The following TOP3A variants were observed in gnomAD, a reference collection of about 807,000 sequenced individuals.
The protein encoded by TOP3A is DNA topoisomerase 3-alpha.
In TOP3A, 64 loss-of-function variants were observed where a neutral mutation model predicts 111.3. The ratio of observed to expected loss-of-function variants is 0.57; its 90% confidence interval spans 0.47 to 0.71. The LOEUF (loss-of-function observed/expected upper bound fraction) is 0.71, where lower values mean the gene tolerates loss of function less well. TOP3A is among the 30% of genes least tolerant of loss of function. The pLI is 0.00. For missense variants in TOP3A, 1,104 were observed against 1,285.0 expected (o/e 0.86, Z 2.15); for synonymous variants, 484 against 485.1 (o/e 1.00, Z 0.03).
chr17:18,288,617 C>T (rs751742037), intron 13 of TOP3A, among the ~76,000 whole-genome samples: 11 of 152,160 alleles, frequency 7.2e-5, no homozygotes, highest in Non-Finnish European at 1.3e-4. Context: ...TCCAGGCTCA[C>T]CTTCTATGGC....
chr17:18,305,050 CAAG>C, intron 5 of TOP3A, 59 bp downstream of exon 5: 1 of 1,429,804 alleles, frequency 7.0e-7, no homozygotes, highest in Non-Finnish European at 9.9e-7. Flanking sequence ...CACATATAAA[CAAG>C]AACACTCTAT....
chr17:18,285,196 T>C lies in TOP3A; in HGVS notation c.1823A>G (p.Gln608Arg). The change falls in exon 15 of 19, where the codon CAG becomes CGG. Residue 608 changes from glutamine to arginine, a missense_variant. Transcript: ENST00000321105. ...GKKDKFVVLR[Q>R]QVQKYKQVFI... ...AACCTGCTTGTATTTCTGCACTTGC[T>C]GCCTTAGAACCACAAATTTGTCCTT... is the stretch of plus-strand genomic sequence containing the variant. 3 of 1,614,260 alleles carry C rather than the reference T, an allele frequency of 1.9e-6. No homozygotes were observed. Among genetic ancestry groups the C allele is most frequent in the Non-Finnish European group, 2.5e-6 (3 of 1,180,048 alleles).
chr17:18,291,364 T>C (rs948777150), intron 11 of TOP3A, among the ~76,000 whole-genome samples: 1 of 152,250 alleles, frequency 6.6e-6, no homozygotes, highest in Admixed American at 6.5e-5. Context: ...GACAGCAACA[T>C]TGCACCTGGT....
rs201017469 is a variant in TOP3A at position 18,278,097 on chromosome 17, G to A, written c.2405C>T (p.Pro802Leu). ...SKALAQTLPP[P>L]TAAGESNSVT... is the part of the protein sequence containing the mutation. ...AGAATTGCTTTCACCAGCAGCCGTG[G>A]GTGGTGGGAGGGTCTGGGCCAGAGC... The change falls in exon 18 of 19, where the codon CCC (proline) becomes CTC (leucine). Residue 802 changes from proline (P) to leucine (L), a missense_variant. Transcript: ENST00000321105. The A allele has an allele frequency of 1.9e-5, 31 of 1,614,238 alleles. No individual in the cohort carries two copies. The East Asian group carries it at 6.9e-4, about 36-fold the overall frequency.
chr17:18,288,146 T>TATATATATATATATATAA (rs1458189463), intron 13 of TOP3A, among the ~76,000 whole-genome samples: 1 of 119,636 alleles, frequency 8.4e-6, no homozygotes, highest in Non-Finnish European at 1.8e-5. Context: ...TATATATATA[T>TATATATATATATATATAA]ATAAATTTTT....
At chr17:18,285,574 G>A (rs958042041) in intron 13 of TOP3A, 54 bp from the exon 14 acceptor site, 6 of 1,508,834 alleles carry the variant, frequency 4.0e-6, no homozygotes, top group African/African-American at 2.7e-5. Flanking sequence ...GCTCCACCCG[G>A]GTGGCGCATG....
chr17:18,285,004 C>G (rs935952057), intron 15 of TOP3A, 138 bp downstream of exon 15: 4 of 991,114 alleles, frequency 4.0e-6, no homozygotes, highest in African/African-American at 1.6e-5. Context: ...TAAACTCTGA[C>G]TGGCCCAGAT....
chr17:18,305,475 A>AACACAC (rs1555572046), intron 4 of TOP3A, among the ~76,000 whole-genome samples: 18 of 146,672 alleles, frequency 1.2e-4, no homozygotes, highest in African/African-American at 4.1e-4. Context: ...ATTCAGCTCT[A>AACACAC]ACACACACAC....
At position 18,272,828 on chromosome 17, in the gene TOP3A, G is replaced by GT. The variant is rs1292667934; in HGVS notation, c.*1973dup. On this transcript the variant is annotated 3_prime_UTR_variant, in exon 19 of 19. Coordinates refer to ENST00000321105, the MANE Select transcript of TOP3A (RefSeq NM_004618.5). ...CTGACACCACGCCCGGCTAATTTTT[G>GT]TATTTTTTTAGAGACGGGGTTTCAT... 1.2e-4 allele frequency: 18 copies of GT among 151,874 alleles called. No homozygotes were observed. Among genetic ancestry groups the GT allele is most frequent in the Non-Finnish European group, 2.4e-4 (16 of 68,028 alleles). 9.4% of individuals were successfully genotyped at this position (151,874 alleles called of 1,614,324 possible). A position where few individuals can be genotyped will look rare whatever the true frequency, so the allele number is the denominator to read the frequency against.
intron 16 of TOP3A, among the ~76,000 whole-genome samples, chr17:18,281,718 C>A (rs544353430): frequency 6.6e-6 from 1 of 152,282 alleles, no homozygotes; most frequent in Non-Finnish European, 1.5e-5. Flanking sequence ...GTGGCCTTCT[C>A]TTCACTTGGG....
At chr17:18,296,971 G>A (rs1226372422) in intron 9 of TOP3A, among the ~76,000 whole-genome samples, 1 of 152,144 alleles carries the variant, frequency 6.6e-6, no homozygotes, top group East Asian at 1.9e-4. Flanking sequence ...AAATGCTTGG[G>A]TGGAAAAGCT....
At chr17:18,283,567 T>C (rs959845535) in intron 15 of TOP3A, among the ~76,000 whole-genome samples, 1 of 152,106 alleles carries the variant, frequency 6.6e-6, no homozygotes, top group Admixed American at 6.5e-5. Flanking sequence ...GTTTTCCCCA[T>C]ACACCAAGCA....
At chr17:18,311,001 A>ATT (rs772922996) in intron 1 of TOP3A, among the ~76,000 whole-genome samples, 30,533 of 141,990 alleles carry the variant, frequency 0.22, 3,437 homozygotes, top group East Asian at 0.25. Flanking sequence ...ACAACTATGA[A>ATT]TTTTTTTTTT....
At chr17:18,295,696 T>C (rs955408424) in intron 9 of TOP3A, among the ~76,000 whole-genome samples, 5 of 151,772 alleles carry the variant, frequency 3.3e-5, no homozygotes, top group African/African-American at 4.8e-5. Flanking sequence ...TGACCTCAGG[T>C]GATCTGCCTG....
At chr17:18,306,831 A>T in intron 4 of TOP3A, 60 bp downstream of exon 4, 1 of 1,136,116 alleles carries the variant, frequency 8.8e-7, no homozygotes. Flanking sequence ...AAAACAAAGA[A>T]ATCACTCTGT....
chr17:18,289,242 T>A (rs946187015), intron 13 of TOP3A, among the ~76,000 whole-genome samples: 1 of 152,240 alleles, frequency 6.6e-6, no homozygotes, highest in African/African-American at 2.4e-5. Flanking sequence ...CTCGAACTCC[T>A]GACCTTAGGT....
chr17:18,314,562 C>G, intron 1 of TOP3A, 37 bp downstream of exon 1: 3 of 1,582,324 alleles, frequency 1.9e-6, no homozygotes, highest in Non-Finnish European at 2.6e-6. Context: ...GTGGGCCTCC[C>G]TTAAGGCACG....
intron 5 of TOP3A, among the ~76,000 whole-genome samples, chr17:18,303,720 A>G (rs1981380523): frequency 1.3e-5 from 2 of 152,054 alleles, no homozygotes; most frequent in Admixed American, 1.3e-4. Flanking sequence ...CCAACACCCT[A>G]TAGTCACACT....
In TOP3A at chr17:18,272,279, A is replaced by C. The variant is rs1001835625; in HGVS notation, c.*2523T>G. 2.0e-5 allele frequency among the ~76,000 whole-genome samples: 3 copies of C among 152,208 alleles called. No individual in the cohort carries two copies. The highest frequency in any genetic ancestry group is 4.4e-5 in the Non-Finnish European group (3 of 68,050). ...GGCTATAATACAAGAAAAGGAAAGG[A>C]ACAAGTGTTCACAAGGATATGGAGA... On this transcript the variant is annotated 3_prime_UTR_variant, in exon 19 of 19. Coordinates refer to ENST00000321105, the MANE Select transcript of TOP3A (RefSeq NM_004618.5).
Sources: allele counts gnomAD v4.1 joint callset (sites outside exome capture counted in the v4.1 genomes callset), GRCh38; gene constraint gnomAD v4.1.1; transcripts MANE v1.5; gene names NCBI Gene and HGNC (gene_info 2026-07-23, HGNC 2026-07-21).